AGPS: variants seen among roughly 807,000 people sequenced by gnomAD.
AGPS encodes alkylglycerone phosphate synthase.
In AGPS, 26 loss-of-function variants were observed where a neutral mutation model predicts 90.7. The ratio of observed to expected loss-of-function variants is 0.29; its 90% CI spans 0.21 to 0.40. AGPS has a LOEUF of 0.40. Ranked by LOEUF, AGPS falls within the 10% of genes least tolerant of loss-of-function variation. The probability of loss-of-function intolerance (pLI) is 1.00; values close to 1 mark genes in which losing one functional copy is unlikely to be tolerated. For synonymous variants in AGPS, 294 were observed against 285.3 expected (o/e 1.03, Z -0.31); for missense variants, 540 against 816.1 (o/e 0.66, Z 4.12).
intron 2 of AGPS, among the ~76,000 whole-genome samples, chr2:177,424,578 T>C (rs1036765049): frequency 1.6e-4 from 25 of 152,146 alleles, no homozygotes; most frequent in African/African-American, 4.8e-4. Context: ...ATATTTATAA[T>C]GTATCTATTC....
Position 177,541,641 on chromosome 2 carries a change from T to C in AGPS, c.*3446T>C, listed in dbSNP as rs1165047542. Reference sequence around the variant, plus strand: ...ATCAACTTTGATTTTAGTTAGGGCTTAGCTCATGGTTGAAGAAAAGTGGAA... The same window carrying C: ...ATCAACTTTGATTTTAGTTAGGGCTCAGCTCATGGTTGAAGAAAAGTGGAA... On this transcript the variant is annotated 3_prime_UTR_variant, in exon 20 of 20. Coordinates refer to ENST00000264167, the MANE Select transcript of AGPS (RefSeq NM_003659.4). The C allele has an allele frequency of 6.6e-6, 1 of 152,196 alleles. No homozygotes were observed. The highest frequency in any genetic ancestry group is 1.9e-4 in the East Asian group (1 of 5,202). The allele number at this position is 152,196 out of a possible 1,614,324, so 9.4% of individuals were successfully genotyped here.
chr2:177,488,409 G>C (rs1010315891), intron 11 of AGPS, among the ~76,000 whole-genome samples: 2 of 151,978 alleles, frequency 1.3e-5, no homozygotes, highest in East Asian at 3.9e-4. Context: ...GTAGAGACAG[G>C]GTTTCACCGT....
At chr2:177,454,805 T>C (rs922404942) in intron 8 of AGPS, among the ~76,000 whole-genome samples, 24 of 152,182 alleles carry the variant, frequency 1.6e-4, no homozygotes, top group Non-Finnish European at 2.6e-4. Flanking sequence ...TTTCCACTAC[T>C]GTGGTATGAC....
chr2:177,516,979 CAGT>C (rs1169326263), intron 17 of AGPS, among the ~76,000 whole-genome samples: 1 of 152,072 alleles, frequency 6.6e-6, no homozygotes, highest in Non-Finnish European at 1.5e-5. Flanking sequence ...GGCAAATTGA[CAGT>C]AGCATTGTTA....
At chr2:177,496,621 A>G (rs1282025273) in intron 12 of AGPS, among the ~76,000 whole-genome samples, 2 of 152,120 alleles carry the variant, frequency 1.3e-5, no homozygotes, top group Non-Finnish European at 2.9e-5. Flanking sequence ...GGTATAGCAT[A>G]GATATCTAAT....
At position 177,437,413 on chromosome 2, in the gene AGPS, T is replaced by C. The variant is rs567976279; in HGVS notation, c.637+359T>C. 6.0e-4 allele frequency among the ~76,000 whole-genome samples: 92 copies of C among 152,272 alleles called. No homozygotes were observed. In the Middle Eastern group the frequency reaches 0.01, roughly 17 times the overall value. ...ATAATTGAGTACTGCAAACTAATATTAGTAATAATTTGTTGATATCAGCTT... is the reference window on the plus strand; with the variant it reads ...ATAATTGAGTACTGCAAACTAATATCAGTAATAATTTGTTGATATCAGCTT... On this transcript the variant is annotated intron_variant, in intron 5 of 19. Transcript: ENST00000264167.
intron 1 of AGPS, among the ~76,000 whole-genome samples, chr2:177,408,693 T>C (rs917516388): frequency 2.0e-5 from 3 of 152,226 alleles, no homozygotes; most frequent in Admixed American, 6.5e-5. Flanking sequence ...GTGAAGTGAA[T>C]TTAAAGTTTT....
chr2:177,447,887 A>C (rs940102422), intron 8 of AGPS, among the ~76,000 whole-genome samples: 6 of 152,186 alleles, frequency 3.9e-5, no homozygotes, highest in African/African-American at 1.4e-4. Flanking sequence ...CTGCAAGCTT[A>C]AAATGACACA....
intron 11 of AGPS, among the ~76,000 whole-genome samples, chr2:177,486,028 C>T (rs971006675): frequency 6.6e-6 from 1 of 152,154 alleles, no homozygotes; most frequent in Non-Finnish European, 1.5e-5. Context: ...AAAGAAAGGT[C>T]CTTTCTAGTC....
chr2:177,531,157 A>C (rs2079133810), intron 19 of AGPS, among the ~76,000 whole-genome samples: 1 of 152,210 alleles, frequency 6.6e-6, no homozygotes, highest in Admixed American at 6.6e-5. Context: ...CAAAAAAATC[A>C]GTTTAGGGCC....
chr2:177,480,528 T>C (rs1462712775), intron 10 of AGPS, among the ~76,000 whole-genome samples: 1 of 151,688 alleles, frequency 6.6e-6, no homozygotes, highest in Non-Finnish European at 1.5e-5. Context: ...AGTTGAACAA[T>C]GAGAACACTT....
intron 11 of AGPS, among the ~76,000 whole-genome samples, chr2:177,492,153 A>G (rs934456191): frequency 6.6e-6 from 1 of 152,194 alleles, no homozygotes; most frequent in African/African-American, 2.4e-5. Flanking sequence ...CCATTGATAA[A>G]GGTGCGGTAG....
intron 19 of AGPS, among the ~76,000 whole-genome samples, chr2:177,524,047 G>A (rs1574032169): frequency 6.6e-6 from 1 of 152,130 alleles, no homozygotes; most frequent in East Asian, 1.9e-4. Flanking sequence ...GAGGTCTCAG[G>A]GACCTCATGT....
chr2:177,461,702 A>G (rs1409717894), intron 8 of AGPS, among the ~76,000 whole-genome samples, 191 bp from the exon 9 acceptor site: 1 of 151,940 alleles, frequency 6.6e-6, no homozygotes, highest in African/African-American at 2.4e-5. Flanking sequence ...ATTTTCCACT[A>G]GGCAAAAGCT....
intron 1 of AGPS, among the ~76,000 whole-genome samples, chr2:177,406,869 T>C (rs1451142731): frequency 6.6e-6 from 1 of 152,240 alleles, no homozygotes; most frequent in East Asian, 1.9e-4. Context: ...TTGTGCTTTC[T>C]TCCTCTGTTT....
chr2:177,524,043 T>C (rs2079057302), intron 19 of AGPS, among the ~76,000 whole-genome samples: 1 of 152,218 alleles, frequency 6.6e-6, no homozygotes, highest in Non-Finnish European at 1.5e-5. Flanking sequence ...TTCTGAGGTC[T>C]CAGGGACCTC....
chr2:177,425,723 G>T lies in AGPS; in HGVS notation c.350+5365G>T, dbSNP rs138438415. ...TTGTAGGTGTGCAGTCTTATTTCTG[G>T]GATCTCTATTCTTTTCCATTGGTCT... On this transcript the variant is annotated intron_variant, in intron 2 of 19. Coordinates refer to ENST00000264167, the MANE Select transcript of AGPS (RefSeq NM_003659.4). Among the ~76,000 whole-genome samples the T allele has an allele frequency of 6.8e-3, 1,027 of 151,750 alleles. 11 individuals are homozygous for T. The highest frequency in any genetic ancestry group is 0.024 in the African/African-American group (975 of 41,358).
At position 177,449,947 on chromosome 2, in the gene AGPS, C is replaced by T. The variant is rs367649631; in HGVS notation, c.870+4321C>T. ...CCGCCTCCCGGGTTCATGCCATTCT[C>T]CTGCCTCAGCCTCCCCAGTAGCTGG... On this transcript the variant is annotated intron_variant, in intron 8 of 19. Transcript: ENST00000264167. Among the ~76,000 whole-genome samples the T allele has an allele frequency of 3.6e-4, 55 of 152,040 alleles. 2 individuals are homozygous for T. Among genetic ancestry groups the T allele is most frequent in the Middle Eastern group, 3.4e-3 (1 of 294 alleles).
intron 16 of AGPS, among the ~76,000 whole-genome samples, chr2:177,512,698 A>G (rs1688910113): frequency 6.6e-6 from 1 of 152,216 alleles, no homozygotes; most frequent in African/African-American, 2.4e-5. Context: ...TGTGGCCAGG[A>G]TATTTATTGG....
Sources: allele counts gnomAD v4.1 joint callset (sites outside exome capture counted in the v4.1 genomes callset), GRCh38; gene constraint gnomAD v4.1.1; transcripts MANE v1.5; gene names NCBI Gene and HGNC (gene_info 2026-07-23, HGNC 2026-07-21).